PITPNB: variants seen among roughly 807,000 people sequenced by gnomAD.
PITPNB encodes phosphatidylinositol transfer protein beta isoform.
Under a neutral mutation model 45.9 loss-of-function variants are expected in PITPNB, and 16 were observed. The observed-to-expected ratio is 0.35, with a 90% CI of 0.24 to 0.53. The LOEUF is 0.53. PITPNB is among the 20% of genes least tolerant of loss of function. The pLI is 0.93. For missense variants in PITPNB, 188 were observed against 330.5 expected, an observed-to-expected ratio of 0.57 and a Z score of 3.34; for synonymous variants, 112 against 108.9, an observed-to-expected ratio of 1.03 and a Z score of -0.18.
Position 27,851,998 on chromosome 22 carries a change from A to C in PITPNB, c.*1704T>G, listed in dbSNP as rs1934033271. The C allele has an allele frequency of 6.6e-6, 1 of 152,242 alleles. No homozygotes were observed. The highest frequency in any genetic ancestry group is 1.5e-5 in the Non-Finnish European group (1 of 68,044). The allele number at this position is 152,242 out of a possible 1,614,324, so 9.4% of individuals were successfully genotyped here. On this transcript the variant is annotated 3_prime_UTR_variant, in exon 12 of 12. Transcript: ENST00000335272. ...ATTATGCTCTGACAAAACCTATCTT[A>C]CAACAGTGCCCAGAGAGTAAACATC...
chr22:27,854,233 T>C (rs1458480834), intron 11 of PITPNB, among the ~76,000 whole-genome samples: 3 of 151,118 alleles, frequency 2.0e-5, no homozygotes, highest in Non-Finnish European at 4.4e-5. Flanking sequence ...TGAGGGAGAT[T>C]TTGATTTTTT....
At chr22:27,860,424 A>T in intron 8 of PITPNB, 183 bp from the exon 9 acceptor site, 1 of 503,898 alleles carries the variant, frequency 2.0e-6, no homozygotes, top group Non-Finnish European at 3.6e-6. Context: ...CCTGCTGTAA[A>T]CCCTCCTTCC....
chr22:27,897,328 A>C (rs1018710330), intron 4 of PITPNB, among the ~76,000 whole-genome samples, 191 bp from the exon 5 acceptor site: 1 of 152,248 alleles, frequency 6.6e-6, no homozygotes, highest in Non-Finnish European at 1.5e-5. Flanking sequence ...TAGATTATGG[A>C]GTACAAATAA....
intron 11 of PITPNB, among the ~76,000 whole-genome samples, chr22:27,853,974 T>C (rs1463527985): frequency 6.6e-6 from 1 of 151,942 alleles, no homozygotes; most frequent in Non-Finnish European, 1.5e-5. Flanking sequence ...TAAAAGTGTT[T>C]GGGGGGAATC....
intron 10 of PITPNB, among the ~76,000 whole-genome samples, chr22:27,857,819 GT>G (rs1387588552): frequency 6.6e-6 from 1 of 152,210 alleles, no homozygotes; most frequent in Non-Finnish European, 1.5e-5. Flanking sequence ...GGGATGGGCT[GT>G]AACACTGAAC....
intron 7 of PITPNB, among the ~76,000 whole-genome samples, chr22:27,888,369 G>A (rs1935183502): frequency 6.6e-6 from 1 of 152,172 alleles, no homozygotes; most frequent in African/African-American, 2.4e-5. Context: ...TGGGTCAACA[G>A]GCTATGTACA....
intron 2 of PITPNB, 80 bp from the exon 3 acceptor site, chr22:27,911,189 A>G: frequency 1.0e-6 from 1 of 956,874 alleles, no homozygotes; most frequent in Non-Finnish European, 1.6e-6. Flanking sequence ...TTAATAATAT[A>G]GATGATATAG....
intron 8 of PITPNB, among the ~76,000 whole-genome samples, chr22:27,869,926 T>C (rs1934602638): frequency 6.6e-6 from 1 of 152,176 alleles, no homozygotes; most frequent in African/African-American, 2.4e-5. Context: ...CTCCGACACT[T>C]ACAGATTCCC....
At chr22:27,880,868 G>A (rs1435174690) in intron 7 of PITPNB, among the ~76,000 whole-genome samples, 1 of 152,162 alleles carries the variant, frequency 6.6e-6, no homozygotes, top group Non-Finnish European at 1.5e-5. Flanking sequence ...TGATCTGCCT[G>A]CCTCAGCCTC....
intron 8 of PITPNB, among the ~76,000 whole-genome samples, chr22:27,864,965 G>GA (rs944853736): frequency 6.6e-6 from 1 of 150,656 alleles, no homozygotes; most frequent in African/African-American, 2.4e-5. Flanking sequence ...GAAAAAAAAA[G>GA]AAAAAAATTC....
At chr22:27,858,541 GATGACAAAAACCTAAGATTA>G in intron 9 of PITPNB, 32 bp from the exon 10 acceptor site, 1 of 1,578,684 alleles carries the variant, frequency 6.3e-7, no homozygotes, top group Non-Finnish European at 8.6e-7. Context: ...AGTAGCATAA[GATGACAAAAACCTAAGATTA>G]ATGACACATT....
intron 7 of PITPNB, among the ~76,000 whole-genome samples, chr22:27,879,385 C>T (rs533367902): frequency 7.4e-4 from 112 of 152,242 alleles, no homozygotes; most frequent in Admixed American, 8.5e-4. Context: ...GAAAGTGAGG[C>T]CCAATGGAGC....
At chr22:27,916,903 C>A (rs1288763656) in intron 1 of PITPNB, among the ~76,000 whole-genome samples, 1 of 152,156 alleles carries the variant, frequency 6.6e-6, no homozygotes, top group Non-Finnish European at 1.5e-5. Flanking sequence ...ATTCATTGCT[C>A]CTAACCAACA....
intron 7 of PITPNB, among the ~76,000 whole-genome samples, chr22:27,890,544 G>A (rs1008076207): frequency 3.4e-4 from 52 of 152,286 alleles, no homozygotes; most frequent in Admixed American, 2.9e-3. Flanking sequence ...GCTGGGCGCG[G>A]TGGCTCATGC....
chr22:27,855,039 G>A, intron 10 of PITPNB, 100 bp from the exon 11 acceptor site: 1 of 796,814 alleles, frequency 1.3e-6, no homozygotes, highest in South Asian at 1.5e-5. Context: ...ATGAAGTGAT[G>A]TTCATAACCA....
intron 7 of PITPNB, among the ~76,000 whole-genome samples, chr22:27,889,957 A>G (rs1283554157): frequency 6.6e-6 from 1 of 152,238 alleles, no homozygotes; most frequent in Non-Finnish European, 1.5e-5. Context: ...GGTAAGAAGT[A>G]GTGACCTTCA....
chr22:27,896,177 A>T (rs1935426106), intron 6 of PITPNB, among the ~76,000 whole-genome samples: 1 of 152,242 alleles, frequency 6.6e-6, no homozygotes, highest in Admixed American at 6.5e-5. Flanking sequence ...GACAAGAGGT[A>T]AAAATTAAAG....
intron 5 of PITPNB, chr22:27,896,854 C>A (rs1433181895): frequency 1.7e-6 from 1 of 603,534 alleles, no homozygotes; most frequent in Non-Finnish European, 3.0e-6. Flanking sequence ...CGTGGCATAT[C>A]GGGCTAATAA....
chr22:27,866,741 A>G lies in PITPNB; in HGVS notation c.535-6500T>C, dbSNP rs150586239. Among the ~76,000 whole-genome samples, 1,034 of 150,656 alleles carry G rather than the reference A, an allele frequency of 6.9e-3. 7 individuals carry two copies. Among genetic ancestry groups the G allele is most frequent in the African/African-American group, 0.023 (939 of 41,514 alleles). On this transcript the variant is annotated intron_variant, in intron 8 of 11. Transcript: ENST00000335272. ...AGACACAGCAGTTTCTGTAAGGCTC[A>G]TAACTGTCTTCATATTTTCATTTTT...
Sources: gnomAD v4.1 joint callset for allele counts (sites outside exome capture counted in the v4.1 genomes callset) on GRCh38, gnomAD v4.1.1 for gene constraint, MANE v1.5 for transcripts, NCBI Gene and HGNC (gene_info 2026-07-23, HGNC 2026-07-21) for gene names.